The following CUL3 variants were observed in gnomAD, a reference collection of about 807,000 sequenced individuals.
CUL3 encodes the protein cullin 3.
In CUL3, 19 loss-of-function variants were observed where a neutral mutation model predicts 89.1. The ratio of observed to expected loss-of-function variants is 0.21; its 90% CI spans 0.15 to 0.31. The LOEUF is 0.31. Among genes scored for constraint, CUL3 ranks in the 10% least tolerant of loss-of-function variants. The pLI is 1.00. For missense variants in CUL3, 469 were observed against 942.3 expected (o/e 0.50, Z 6.58); for synonymous variants, 351 against 308.4 (o/e 1.14, Z -1.45).
At chr2:224,538,785 G>C (rs1480856977) in intron 2 of CUL3, among the ~76,000 whole-genome samples, 1 of 152,190 alleles carries the variant, frequency 6.6e-6, no homozygotes, top group Non-Finnish European at 1.5e-5. Flanking sequence ...GGCTGTGCCT[G>C]GTACTAGCTT....
At chr2:224,558,758 C>T (rs1182614277) in intron 1 of CUL3, among the ~76,000 whole-genome samples, 9 of 152,096 alleles carry the variant, frequency 5.9e-5, no homozygotes, top group African/African-American at 1.7e-4. Context: ...AAAGGCCTCC[C>T]TTGGCTGGGC....
intron 13 of CUL3, among the ~76,000 whole-genome samples, chr2:224,494,805 A>G (rs1258282931): frequency 1.3e-5 from 2 of 152,220 alleles, no homozygotes; most frequent in East Asian, 3.8e-4. Flanking sequence ...TTGAAAAAAT[A>G]AAAGTAAATC....
rs181211410 is a variant in CUL3, at chr2:224,472,876, C to T, written c.*1369G>A. On this transcript the variant is annotated 3_prime_UTR_variant, in exon 16 of 16. Transcript: ENST00000264414. Reference sequence around the variant, plus strand: ...ATGTATCAACAGTACTGATAGTCAACGAAGGGTCAATTTAAACTTATTAGT... The same window carrying T: ...ATGTATCAACAGTACTGATAGTCAATGAAGGGTCAATTTAAACTTATTAGT... 90 of 211,640 alleles carry T rather than the reference C, an allele frequency of 4.3e-4. No homozygotes were observed. Among genetic ancestry groups the T allele is most frequent in the African/African-American group, 1.9e-3 (83 of 44,314 alleles). The allele number at this position is 211,640 out of a possible 1,614,324, so 13.1% of individuals were successfully genotyped here. A position where few individuals can be genotyped will look rare whatever the true frequency, so the allele number is the denominator to read the frequency against.
intron 3 of CUL3, among the ~76,000 whole-genome samples, chr2:224,522,645 G>C (rs1389630022): frequency 6.6e-6 from 1 of 152,124 alleles, no homozygotes; most frequent in Non-Finnish European, 1.5e-5. Flanking sequence ...GGCTAACACA[G>C]TGAAACCCCA....
At chr2:224,488,131 C>T (rs954965625) in intron 13 of CUL3, among the ~76,000 whole-genome samples, 7 of 152,096 alleles carry the variant, frequency 4.6e-5, no homozygotes, top group Non-Finnish European at 7.4e-5. Flanking sequence ...ACTAATTGCC[C>T]ACAGGAGAAA....
chr2:224,484,036 A>G (rs1253606581), intron 13 of CUL3, among the ~76,000 whole-genome samples: 1 of 152,094 alleles, frequency 6.6e-6, no homozygotes, highest in Non-Finnish European at 1.5e-5. Context: ...CCAAACATTT[A>G]AAAAATAGCC....
chr2:224,546,668 G>C (rs1223674543), intron 2 of CUL3, among the ~76,000 whole-genome samples: 9 of 71,328 alleles, frequency 1.3e-4, no homozygotes, highest in African/African-American at 2.9e-4. Context: ...GAAATAGGAT[G>C]GGGGGGGGTA....
chr2:224,483,940 A>G (rs1430743629), intron 13 of CUL3, among the ~76,000 whole-genome samples: 2 of 152,194 alleles, frequency 1.3e-5, no homozygotes, highest in Non-Finnish European at 2.9e-5. Context: ...CTGTAATCCC[A>G]GCACTTTGGG....
intron 2 of CUL3, among the ~76,000 whole-genome samples, chr2:224,543,243 A>G (rs940742692): frequency 4.6e-5 from 7 of 152,220 alleles, no homozygotes; most frequent in African/African-American, 1.4e-4. Flanking sequence ...CAAGTCTCCA[A>G]ATTCAGGACA....
intron 2 of CUL3, among the ~76,000 whole-genome samples, chr2:224,550,166 T>G (rs767634384): frequency 6.6e-6 from 1 of 152,230 alleles, no homozygotes; most frequent in Admixed American, 6.5e-5. Flanking sequence ...CCGAAGTGTT[T>G]CAATTTTCAG....
intron 2 of CUL3, among the ~76,000 whole-genome samples, chr2:224,555,855 T>C (rs1160589069): frequency 6.6e-6 from 1 of 152,220 alleles, no homozygotes; most frequent in East Asian, 1.9e-4. Context: ...TTATTGCCTA[T>C]GCAACTCACT....
chr2:224,546,590 G>C (rs773720008), intron 2 of CUL3, among the ~76,000 whole-genome samples: 1 of 151,486 alleles, frequency 6.6e-6, no homozygotes, highest in Non-Finnish European at 1.5e-5. Flanking sequence ...GAGACACAAA[G>C]ATAAATGAAC....
At chr2:224,568,381 G>A (rs1386195397) in intron 1 of CUL3, among the ~76,000 whole-genome samples, 2 of 152,164 alleles carry the variant, frequency 1.3e-5, no homozygotes, top group African/African-American at 4.8e-5. Flanking sequence ...ACTAGACTAT[G>A]AGCTTAAGAG....
At chr2:224,559,457 A>C (rs1694836074) in intron 1 of CUL3, among the ~76,000 whole-genome samples, 1 of 151,830 alleles carries the variant, frequency 6.6e-6, no homozygotes, top group Non-Finnish European at 1.5e-5. Context: ...TGTCTCAAAA[A>C]AAAAAAAAAA....
intron 2 of CUL3, among the ~76,000 whole-genome samples, chr2:224,548,929 G>A (rs1694404093): frequency 6.6e-6 from 1 of 152,066 alleles, no homozygotes; most frequent in South Asian, 2.1e-4. Context: ...CACAGCCTGG[G>A]AGGCGGAGAA....
chr2:224,518,172 C>T (rs1293834658), intron 3 of CUL3, among the ~76,000 whole-genome samples: 1 of 152,140 alleles, frequency 6.6e-6, no homozygotes, highest in Non-Finnish European at 1.5e-5. Flanking sequence ...TTCACTTCTG[C>T]TTTCAGTCTC....
chr2:224,585,047 G>C lies in CUL3; in HGVS notation c.-38C>G, dbSNP rs1205336678. ...CTCCCCGGCGGCGGCTTCAGGTCGC[G>C]CTCCGCGACGCCGGTGTCACATTTA... On this transcript the variant is annotated 5_prime_UTR_variant, in exon 1 of 16. Coordinates refer to ENST00000264414, the MANE Select transcript of CUL3 (RefSeq NM_003590.5). 1 of 1,454,574 alleles carries C rather than the reference G, an allele frequency of 6.9e-7. No individual in the cohort carries two copies. Among genetic ancestry groups the C allele is most frequent in the Non-Finnish European group, 9.2e-7 (1 of 1,084,244 alleles). The allele number at this position is 1,454,574 out of a possible 1,614,324, so 90.1% of individuals were successfully genotyped here.
Position 224,485,505 on chromosome 2 carries a change from AG to A in CUL3, c.1843-3428del, listed in dbSNP as rs1415224329. ...CCCTCACAGTGTAAACAAGGCCTCC[AG>A]GAAGTTCGAACTGGGCGGGTGGCAA... On this transcript the variant is annotated intron_variant, in intron 13 of 15. Transcript: ENST00000264414. This position sits in a 1 kb window ranked among gnomAD's most constrained non-coding sequence, Gnocchi z 4.1. 3 of 152,428 alleles carry A rather than the reference AG, an allele frequency of 2.0e-5. No individual in the cohort carries two copies. Among genetic ancestry groups the A allele is most frequent in the East Asian group, 1.9e-4 (1 of 5,192 alleles). The allele number at this position is 152,428 out of a possible 1,614,324, so 9.4% of individuals were successfully genotyped here. A position where few individuals can be genotyped will look rare whatever the true frequency, so the allele number is the denominator to read the frequency against.
intron 1 of CUL3, among the ~76,000 whole-genome samples, chr2:224,579,663 G>C (rs946078972): frequency 6.6e-6 from 1 of 152,114 alleles, no homozygotes; most frequent in African/African-American, 2.4e-5. Flanking sequence ...TCTAGCATTA[G>C]GGAGTGGGCA....
Sources: gnomAD v4.1 joint callset for allele counts (sites outside exome capture counted in the v4.1 genomes callset) on GRCh38, gnomAD v4.1.1 for gene constraint, Gnocchi (gnomAD v3.1) non-coding constraint, MANE v1.5 for transcripts, NCBI Gene and HGNC (gene_info 2026-07-23, HGNC 2026-07-21) for gene names.